Variants in PLCB1 observed in about 807,000 individuals in gnomAD.
PLCB1 encodes 1-phosphatidylinositol 4,5-bisphosphate phosphodiesterase beta-1.
PLCB1 carries 46 observed loss-of-function variants against 161.8 expected under a neutral mutation model. The ratio of observed to expected loss-of-function variants is 0.28; its 90% CI spans 0.22 to 0.36. PLCB1 has a LOEUF of 0.36. Ranked by LOEUF, PLCB1 falls within the 10% of genes least tolerant of loss-of-function variation. The probability of loss-of-function intolerance (pLI) is 1.00; values close to 1 mark genes in which losing one functional copy is unlikely to be tolerated. For missense variants in PLCB1, 1,016 were observed against 1,472.5 expected, an observed-to-expected ratio of 0.69 and a Z score of 5.07; for synonymous variants, 517 against 503.7, an observed-to-expected ratio of 1.03 and a Z score of -0.35.
chr20:8,569,013 A>G (rs960668457), intron 3 of PLCB1, among the ~76,000 whole-genome samples: 2 of 152,208 alleles, frequency 1.3e-5, no homozygotes, highest in African/African-American at 4.8e-5. Context: ...CATGAGGGGC[A>G]AGGGAGCAGA....
chr20:8,828,219 G>C (rs1018187992), intron 31 of PLCB1, among the ~76,000 whole-genome samples: 1 of 152,132 alleles, frequency 6.6e-6, no homozygotes, highest in Admixed American at 6.5e-5. Flanking sequence ...GTATCCAAAG[G>C]CTCCATCAAA....
At chr20:8,620,997 T>C (rs1045767385) in intron 3 of PLCB1, among the ~76,000 whole-genome samples, 10 of 152,146 alleles carry the variant, frequency 6.6e-5, no homozygotes, top group Admixed American at 6.6e-4. Context: ...GAAGTAGATA[T>C]CATTACAAAA....
chr20:8,267,246 T>C (rs1275643137), intron 2 of PLCB1, among the ~76,000 whole-genome samples: 2 of 152,124 alleles, frequency 1.3e-5, no homozygotes, highest in African/African-American at 4.8e-5. Context: ...GGGCTGGTGA[T>C]TCTCCAGCTG....
intron 14 of PLCB1, among the ~76,000 whole-genome samples, chr20:8,720,545 A>T (rs906378595): frequency 1.1e-4 from 17 of 152,164 alleles, no homozygotes; most frequent in South Asian, 8.3e-4. Context: ...TGTTGGCCAG[A>T]TGCCTCTTGC....
At chr20:8,317,171 G>T (rs546160222) in intron 2 of PLCB1, among the ~76,000 whole-genome samples, 2 of 152,210 alleles carry the variant, frequency 1.3e-5, no homozygotes, top group African/African-American at 4.8e-5. Flanking sequence ...CAAAGAATGG[G>T]GATGAGAAGT....
chr20:8,244,966 G>A (rs1196933701), intron 2 of PLCB1, among the ~76,000 whole-genome samples: 2 of 149,714 alleles, frequency 1.3e-5, no homozygotes, highest in African/African-American at 5.0e-5. Context: ...TGTGGCTTAG[G>A]AGAGGTTCTA....
At chr20:8,652,645 A>T (rs892485465) in intron 7 of PLCB1, 2 of 152,138 alleles carry the variant, frequency 1.3e-5, no homozygotes, top group Non-Finnish European at 2.9e-5. Context: ...TAGCCAAGTC[A>T]TTTAAGCTAG....
intron 31 of PLCB1, among the ~76,000 whole-genome samples, chr20:8,833,819 T>G (rs1986133367): frequency 6.6e-6 from 1 of 152,224 alleles, no homozygotes. Context: ...TTTCCTCCAT[T>G]TATTCATACC....
At chr20:8,759,351 C>CT (rs1296882481) in intron 24 of PLCB1, among the ~76,000 whole-genome samples, 5 of 152,144 alleles carry the variant, frequency 3.3e-5, no homozygotes, top group Non-Finnish European at 5.9e-5. Flanking sequence ...ATTTTCCCCT[C>CT]TTAGATATAT....
intron 3 of PLCB1, among the ~76,000 whole-genome samples, chr20:8,419,264 G>A (rs1270219959): frequency 6.6e-6 from 1 of 152,140 alleles, no homozygotes; most frequent in Non-Finnish European, 1.5e-5. Flanking sequence ...TACTTTTATA[G>A]GGGATTTACA....
At chr20:8,677,615 C>A (rs1990117406) in intron 9 of PLCB1, among the ~76,000 whole-genome samples, 1 of 151,900 alleles carries the variant, frequency 6.6e-6, no homozygotes, top group African/African-American at 2.4e-5. Flanking sequence ...CTAGAAATTG[C>A]CAGAGGGACA....
intron 3 of PLCB1, among the ~76,000 whole-genome samples, chr20:8,545,050 A>G (rs1009136916): frequency 2.6e-5 from 4 of 152,342 alleles, no homozygotes; most frequent in Middle Eastern, 3.4e-3. Flanking sequence ...AGAAGAATGG[A>G]TAAGATGTGT....
At chr20:8,683,192 A>G (rs1321494614) in intron 9 of PLCB1, among the ~76,000 whole-genome samples, 1 of 152,014 alleles carries the variant, frequency 6.6e-6, no homozygotes, top group African/African-American at 2.4e-5. Flanking sequence ...TATATGCATG[A>G]TTACAGCTTC....
At chr20:8,362,672 A>C (rs1193315151) in intron 2 of PLCB1, among the ~76,000 whole-genome samples, 1 of 152,200 alleles carries the variant, frequency 6.6e-6, no homozygotes, top group Non-Finnish European at 1.5e-5. Context: ...AAACTATCTC[A>C]CCTGGCAATC....
chr20:8,583,113 T>G (rs926875924), intron 3 of PLCB1, among the ~76,000 whole-genome samples: 1 of 152,150 alleles, frequency 6.6e-6, no homozygotes, highest in Non-Finnish European at 1.5e-5. Flanking sequence ...ACACAAATAC[T>G]GTTTGATTCC....
chr20:8,566,230 C>T (rs1047413278), intron 3 of PLCB1, among the ~76,000 whole-genome samples: 2 of 152,066 alleles, frequency 1.3e-5, no homozygotes, highest in Non-Finnish European at 2.9e-5. Context: ...GAAAATTGTG[C>T]CTTATCAACA....
intron 2 of PLCB1, among the ~76,000 whole-genome samples, chr20:8,181,969 T>C (rs1028508315): frequency 1.4e-4 from 22 of 152,096 alleles, no homozygotes; most frequent in African/African-American, 4.8e-4. Context: ...ATCCTGTGTC[T>C]AAAAAGAAAC....
At chr20:8,878,433 A>C (rs1385063634) in intron 31 of PLCB1, among the ~76,000 whole-genome samples, 1 of 152,200 alleles carries the variant, frequency 6.6e-6, no homozygotes, top group Admixed American at 6.5e-5. Flanking sequence ...AAATTGTTGG[A>C]ACAGCAGGGA....
intron 2 of PLCB1, among the ~76,000 whole-genome samples, chr20:8,219,913 A>AT (rs1368837148): frequency 1.3e-5 from 2 of 152,124 alleles, no homozygotes; most frequent in Admixed American, 6.6e-5. Flanking sequence ...TTCATAAGTG[A>AT]TTTTTTCTTT....
Sources: allele counts gnomAD v4.1 joint callset (sites outside exome capture counted in the v4.1 genomes callset), GRCh38; gene constraint gnomAD v4.1.1; transcripts MANE v1.5; gene names NCBI Gene and HGNC (gene_info 2026-07-23, HGNC 2026-07-21).